Variants in GNB5 observed in about 807,000 individuals in gnomAD.
GNB5 encodes the protein guanine nucleotide-binding protein subunit beta-5.
GNB5 carries 37 observed loss-of-function variants against 55.3 expected under a neutral mutation model. That is an observed-to-expected ratio of 0.67 (90% CI 0.51 to 0.88). The LOEUF (loss-of-function observed/expected upper bound fraction) is 0.88. Among genes scored for constraint, GNB5 ranks in the 40% least tolerant of loss-of-function variants. The pLI, the probability that GNB5 is intolerant of heterozygous loss-of-function variation, is 0.00. For synonymous variants in GNB5, 219 were observed against 198.5 expected (o/e 1.10, Z -0.87); for missense variants, 476 against 515.3 (o/e 0.92, Z 0.74).
chr15:52,133,249 C>A, intron 9 of GNB5, 129 bp downstream of exon 9: 1 of 625,882 alleles, frequency 1.6e-6, no homozygotes. Context: ...CCACAATCAG[C>A]CTTTCTTCCC....
At chr15:52,178,919 G>C (rs1470469851) in intron 3 of GNB5, among the ~76,000 whole-genome samples, 1 of 152,240 alleles carries the variant, frequency 6.6e-6, no homozygotes, top group Non-Finnish European at 1.5e-5. Flanking sequence ...CACCCTCAGA[G>C]CTCAAAAGTG....
chr15:52,177,028 C>CTTTTTTTT (rs545411940), intron 3 of GNB5, among the ~76,000 whole-genome samples: 4 of 77,830 alleles, frequency 5.1e-5, no homozygotes, highest in Admixed American at 1.9e-4. Flanking sequence ...CTAGCTCCTC[C>CTTTTTTTT]TTTTTTTTTT....
Position 52,149,879 on chromosome 15 carries a change from C to T in GNB5, c.417+5G>A, listed in dbSNP as rs773313961. 6.2e-7 allele frequency: 1 copy of T among 1,606,626 alleles called. No homozygotes were observed. The highest frequency in any genetic ancestry group is 1.3e-5 in the African/African-American group (1 of 74,760). ...TCTATAACGTGGCTGGGAACAATGC[C>T]TCACCTTGTTTGTGGTGAAGGAATC... On this transcript the variant is annotated splice_donor_5th_base_variant and intron_variant, in intron 5 of 12. Transcript: ENST00000261837.
At chr15:52,146,262 T>C (rs185793278) in intron 6 of GNB5, among the ~76,000 whole-genome samples, 1 of 152,302 alleles carries the variant, frequency 6.6e-6, no homozygotes, top group East Asian at 1.9e-4. Flanking sequence ...CCCGGCCTAA[T>C]ATGCCTCTTT....
rs1338203347 is a variant in GNB5, at chr15:52,118,674, G to A, written c.*4083C>T. ...ACCTGAGGTTGGGAGTTCGAGACCA[G>A]TGTGACCAACATGGAGAAACCTGGT... On this transcript the variant is annotated 3_prime_UTR_variant, in exon 13 of 13. Coordinates refer to ENST00000261837, the MANE Select transcript of GNB5 (RefSeq NM_016194.4). The A allele has an allele frequency of 6.6e-6, 1 of 152,094 alleles. No individual in the cohort carries two copies. 9.4% of individuals were successfully genotyped at this position (152,094 alleles called of 1,614,324 possible).
chr15:52,168,179 G>A (rs564851733), intron 3 of GNB5, among the ~76,000 whole-genome samples: 19 of 152,222 alleles, frequency 1.2e-4, no homozygotes, highest in South Asian at 4.1e-4. Context: ...AGAAACAAAC[G>A]GTATTCAAAT....
At chr15:52,182,351 C>T (rs1050327727) in intron 2 of GNB5, among the ~76,000 whole-genome samples, 4 of 152,172 alleles carry the variant, frequency 2.6e-5, no homozygotes, top group African/African-American at 4.8e-5. Context: ...CTGTTTGGAC[C>T]GTTGCAGGAT....
chr15:52,187,757 T>C (rs1429583941), intron 1 of GNB5, among the ~76,000 whole-genome samples: 2 of 152,132 alleles, frequency 1.3e-5, no homozygotes, highest in Non-Finnish European at 2.9e-5. Flanking sequence ...GAGACCAGCC[T>C]GGCCAACATA....
chr15:52,150,937 G>A (rs7178411), intron 4 of GNB5, among the ~76,000 whole-genome samples: 73,473 of 152,138 alleles, frequency 0.48, 21,381 homozygotes, highest in Non-Finnish European at 0.67. Flanking sequence ...TGAATGAGGT[G>A]GCAGAGATAT....
intron 2 of GNB5, among the ~76,000 whole-genome samples, chr15:52,182,645 A>G (rs995366081): frequency 1.3e-5 from 2 of 152,186 alleles, no homozygotes; most frequent in Admixed American, 6.5e-5. Context: ...GGTCACTCCT[A>G]TTCACAAAAA....
Position 52,154,166 on chromosome 15 carries a change from G to C in GNB5, c.239-90C>G. 8 of 1,286,852 alleles carry C rather than the reference G, an allele frequency of 6.2e-6. No homozygotes were observed. The East Asian group carries it at 7.4e-5, about 12-fold the overall frequency. 79.7% of individuals were successfully genotyped at this position (1,286,852 alleles called of 1,614,324 possible). A position where few individuals can be genotyped will look rare whatever the true frequency, so the allele number is the denominator to read the frequency against. ...CAGCACAGACATATGTTCCGCAGAG[G>C]GAGGCGGCCCCATGGGCTTCCTCCA... is the stretch of plus-strand genomic sequence containing the variant. On this transcript the variant is annotated intron_variant, in intron 3 of 12. Transcript: ENST00000261837.
intron 3 of GNB5, among the ~76,000 whole-genome samples, chr15:52,166,310 A>G (rs1344810566): frequency 6.6e-6 from 1 of 152,240 alleles, no homozygotes; most frequent in Non-Finnish European, 1.5e-5. Context: ...AAGGATATTC[A>G]GAACCTGAAC....
At chr15:52,135,490 G>A in intron 8 of GNB5, 123 bp downstream of exon 8, 1 of 880,236 alleles carries the variant, frequency 1.1e-6, no homozygotes, top group Middle Eastern at 2.3e-4. Flanking sequence ...GGGGAGTTGA[G>A]AACAATTCCT....
intron 1 of GNB5, among the ~76,000 whole-genome samples, chr15:52,189,454 C>G (rs1205292183): frequency 6.6e-6 from 1 of 152,102 alleles, no homozygotes; most frequent in African/African-American, 2.4e-5. Flanking sequence ...GTGGCAGGTG[C>G]CTGTAATCCC....
intron 3 of GNB5, among the ~76,000 whole-genome samples, chr15:52,159,386 C>A (rs917947226): frequency 2.0e-5 from 3 of 152,178 alleles, no homozygotes; most frequent in African/African-American, 7.2e-5. Context: ...AGCGGACACA[C>A]CATCTGCCGC....
chr15:52,133,521 AC>A, intron 8 of GNB5, 52 bp from the exon 9 acceptor site: 1 of 1,138,230 alleles, frequency 8.8e-7, no homozygotes, highest in Non-Finnish European at 1.3e-6. Flanking sequence ...ATGTCTATAG[AC>A]AAGGCACGAG....
chr15:52,141,130 G>C lies in GNB5; in HGVS notation c.627+10C>G. ...GCAGGTCAACCTGACACCGGGGGCT[G>C]CCTATTTACCTGCATGTCAGAGTTG... On this transcript the variant is annotated intron_variant, in intron 7 of 12. Transcript: ENST00000261837. 1 of 1,613,582 alleles carries C rather than the reference G, an allele frequency of 6.2e-7. No homozygotes were observed. The highest frequency in any genetic ancestry group is 8.5e-7 in the Non-Finnish European group (1 of 1,179,488).
In GNB5 at chr15:52,117,102, A is replaced by ATATATATATATATATT; in HGVS notation, c.*5654_*5655insAATATATATATATATA. 9.2e-5 allele frequency: 8 copies of ATATATATATATATATT among 87,098 alleles called. 1 individual carries two copies. Among genetic ancestry groups the ATATATATATATATATT allele is most frequent in the South Asian group, 7.6e-4 (2 of 2,628 alleles). 5.4% of individuals were successfully genotyped at this position (87,098 alleles called of 1,614,324 possible). On this transcript the variant is annotated 3_prime_UTR_variant, in exon 13 of 13. Coordinates refer to ENST00000261837, the MANE Select transcript of GNB5 (RefSeq NM_016194.4). ...CCACGCCCAGCTAATATATATATAT[A>ATATATATATATATATT]TTTTTTTTTAGTACAGACAGGGTTT...
chr15:52,165,322 A>G (rs1045384059), intron 3 of GNB5, among the ~76,000 whole-genome samples: 7 of 152,200 alleles, frequency 4.6e-5, no homozygotes, highest in African/African-American at 1.7e-4. Flanking sequence ...CCCTAACCTA[A>G]GAAGACAGGG....
Sources: allele counts gnomAD v4.1 joint callset (sites outside exome capture counted in the v4.1 genomes callset), GRCh38; gene constraint gnomAD v4.1.1; transcripts MANE v1.5; gene names NCBI Gene and HGNC (gene_info 2026-07-23, HGNC 2026-07-21).